Variants in SLC2A9 observed in about 807,000 individuals in gnomAD.
The protein encoded by SLC2A9 is solute carrier family 2, facilitated glucose transporter member 9.
SLC2A9 carries 39 observed loss-of-function variants against 50.6 expected under a neutral mutation model. The ratio of observed to expected loss-of-function variants is 0.77; its 90% CI spans 0.60 to 1.01. The LOEUF (loss-of-function observed/expected upper bound fraction) is 1.01. Ranked by LOEUF, SLC2A9 falls within the 50% of genes least tolerant of loss-of-function variation. The pLI is 0.00. For synonymous variants in SLC2A9, 324 were observed against 276.9 expected (o/e 1.17, Z -1.69); for missense variants, 686 against 677.6 (o/e 1.01, Z -0.14).
intron 1 of SLC2A9, chr4:10,035,558 T>A (rs577631084): frequency 2.0e-4 from 31 of 152,144 alleles, no homozygotes; most frequent in Non-Finnish European, 5.9e-5. Context: ...GGATCCTGGG[T>A]GTGATGCTTA....
intron 7 of SLC2A9, among the ~76,000 whole-genome samples, chr4:9,908,902 T>G (rs987174208): frequency 6.6e-6 from 1 of 152,178 alleles, no homozygotes; most frequent in African/African-American, 2.4e-5. Context: ...CCATTTTTGT[T>G]TGTCCTTCCT....
At chr4:9,787,794 T>C (rs77036117) in intron 3 of SLC2A9, among the ~76,000 whole-genome samples, 120 of 152,298 alleles carry the variant, frequency 7.9e-4, no homozygotes, top group African/African-American at 2.8e-3. Flanking sequence ...TTCTGTCATG[T>C]ATGTTGGGCA....
intron 1 of SLC2A9, among the ~76,000 whole-genome samples, chr4:10,026,504 C>G (rs1763758046): frequency 6.6e-6 from 1 of 152,110 alleles, no homozygotes; most frequent in Non-Finnish European, 1.5e-5. Flanking sequence ...GCAATTCCAC[C>G]ACCACATCGA....
At chr4:10,022,923 C>A (rs114179163), upstream of SLC2A9, among the ~76,000 whole-genome samples, 1,931 of 152,294 alleles carry the variant, frequency 0.013, 36 homozygotes, top group African/African-American at 0.044. Flanking sequence ...TGCAATCGTC[C>A]TTCTGTGTGT....
At chr4:9,804,705 C>T (rs1721895479) in intron 3 of SLC2A9, among the ~76,000 whole-genome samples, 1 of 152,200 alleles carries the variant, frequency 6.6e-6, no homozygotes, top group South Asian at 2.1e-4. Context: ...CCATCTGCCA[C>T]ATCAGTACTA....
chr4:10,013,475 C>G (rs868068326), intron 2 of SLC2A9, among the ~76,000 whole-genome samples: 75 of 152,336 alleles, frequency 4.9e-4, no homozygotes, highest in African/African-American at 1.8e-3. Flanking sequence ...AAGTGTCCCA[C>G]CCCTGAAACT....
At chr4:9,912,605 A>G (rs1183018903) in intron 7 of SLC2A9, among the ~76,000 whole-genome samples, 1 of 152,208 alleles carries the variant, frequency 6.6e-6, no homozygotes, top group African/African-American at 2.4e-5. Flanking sequence ...AGAAAGCAGC[A>G]TGTCTAAGGA....
At chr4:9,855,452 G>A (rs1016985351) in intron 10 of SLC2A9, among the ~76,000 whole-genome samples, 3 of 152,058 alleles carry the variant, frequency 2.0e-5, no homozygotes, top group African/African-American at 7.2e-5. Context: ...AAACACTGCT[G>A]AAAGAAATCA....
At chr4:9,916,730 T>C (rs1416138915) in intron 7 of SLC2A9, among the ~76,000 whole-genome samples, 3 of 152,246 alleles carry the variant, frequency 2.0e-5, no homozygotes, top group South Asian at 2.1e-4. Context: ...TCATCCCAAG[T>C]AGATAAGAGA....
chr4:9,877,421 T>C (rs1734483944), intron 10 of SLC2A9, among the ~76,000 whole-genome samples: 1 of 152,214 alleles, frequency 6.6e-6, no homozygotes, highest in South Asian at 2.1e-4. Context: ...CAGACATATC[T>C]AGGGTTGAGT....
intron 6 of SLC2A9, among the ~76,000 whole-genome samples, chr4:9,926,701 T>C (rs1327623845): frequency 6.6e-6 from 1 of 152,032 alleles, no homozygotes; most frequent in Non-Finnish European, 1.5e-5. Flanking sequence ...TAACCCCTGG[T>C]AGCTGTGAAT....
chr4:10,016,551 G>A (rs1762639145), intron 2 of SLC2A9, among the ~76,000 whole-genome samples: 1 of 152,066 alleles, frequency 6.6e-6, no homozygotes, highest in Non-Finnish European at 1.5e-5. Context: ...CCCTGGCTGT[G>A]TAGATCTTCA....
chr4:9,890,765 C>G (rs1386447257), intron 8 of SLC2A9, 54 bp from the exon 9 acceptor site: 4 of 1,507,350 alleles, frequency 2.7e-6, no homozygotes, highest in Non-Finnish European at 3.7e-6. Context: ...CTAACCACAA[C>G]AGGGGAATGT....
At position 9,887,690 on chromosome 4, in the gene SLC2A9, G is replaced by A. The variant is rs140083819; in HGVS notation, c.1216-48C>T. The A allele has an allele frequency of 2.4e-4, 333 of 1,401,778 alleles. 1 individual carries two copies. The African/African-American group carries it at 3.7e-3, about 16-fold the overall frequency. 86.8% of individuals were successfully genotyped at this position (1,401,778 alleles called of 1,614,324 possible). ...CAGGTGAGGAGGTGATGGTGTGACC[G>A]GAGGACCTGAGTTCCCACCCCAGCT... On this transcript the variant is annotated intron_variant, in intron 9 of 11. Coordinates refer to ENST00000264784, the MANE Select transcript of SLC2A9 (RefSeq NM_020041.3).
At chr4:9,851,988 G>A (rs185463476) in intron 10 of SLC2A9, among the ~76,000 whole-genome samples, 295 of 152,328 alleles carry the variant, frequency 1.9e-3, no homozygotes, top group African/African-American at 6.7e-3. Context: ...AAGCAACTTG[G>A]AAAACATATT....
chr4:9,816,345 G>A (rs1006072977), intron 3 of SLC2A9, among the ~76,000 whole-genome samples: 20 of 152,052 alleles, frequency 1.3e-4, no homozygotes, highest in Admixed American at 7.9e-4. Context: ...CTTATGGCTC[G>A]ACAGAGAGGA....
chr4:9,892,226 G>A (rs1424166403), intron 8 of SLC2A9, among the ~76,000 whole-genome samples: 2 of 152,230 alleles, frequency 1.3e-5, no homozygotes, highest in African/African-American at 2.4e-5. Flanking sequence ...TGAGCACCCC[G>A]GCCATGTAGT....
chr4:9,918,458 G>A (rs746240376), intron 7 of SLC2A9, among the ~76,000 whole-genome samples: 2 of 152,188 alleles, frequency 1.3e-5, no homozygotes, highest in Non-Finnish European at 1.5e-5. Context: ...CCTAGGGATG[G>A]CCTGGGGACA....
At chr4:9,957,272 T>C (rs553690016) in intron 5 of SLC2A9, among the ~76,000 whole-genome samples, 14 of 152,028 alleles carry the variant, frequency 9.2e-5, no homozygotes, top group African/African-American at 3.4e-4. Flanking sequence ...TTTCCCAGAA[T>C]AGGCATCTCC....
Sources: gnomAD v4.1 joint callset for allele counts (sites outside exome capture counted in the v4.1 genomes callset) on GRCh38, gnomAD v4.1.1 for gene constraint, MANE v1.5 for transcripts, NCBI Gene and HGNC (gene_info 2026-07-23, HGNC 2026-07-21) for gene names.